UNC79: variants seen among roughly 807,000 people sequenced by gnomAD.
The protein encoded by UNC79 is protein unc-79 homolog.
UNC79 carries 37 observed loss-of-function variants against 283.1 expected under a neutral mutation model. That is an observed-to-expected ratio of 0.13 (90% CI 0.10 to 0.17). UNC79 has a LOEUF of 0.17. Among genes scored for constraint, UNC79 ranks in the 10% least tolerant of loss-of-function variants. UNC79 has a pLI of 1.00. For missense variants in UNC79, 2,272 were observed against 3,211.1 expected, an observed-to-expected ratio of 0.71 and a Z score of 7.07; for synonymous variants, 1,107 against 1,200.2, an observed-to-expected ratio of 0.92 and a Z score of 1.61.
chr14:93,660,246 G>T (rs940202323), intron 39 of UNC79, among the ~76,000 whole-genome samples: 1 of 151,958 alleles, frequency 6.6e-6, no homozygotes, highest in African/African-American at 2.4e-5. Flanking sequence ...AGAGATCATT[G>T]GTTCAATCCA....
rs574860845 is a variant in UNC79 at position 93,347,810 on chromosome 14, G to C, written c.-351+14287G>C. 1.8e-4 allele frequency among the ~76,000 whole-genome samples: 28 copies of C among 152,012 alleles called. 1 individual carries two copies. In the South Asian group the frequency reaches 5.2e-3, roughly 28 times the overall value. On this transcript the variant is annotated intron_variant, in intron 1 of 49. Coordinates refer to the UNC79 transcript ENST00000256339. The stretch of plus-strand genomic sequence containing the variant: ...GGGCCACATCGAAGTTCCAGAGTGC[G>C]AAGGTTGGAACCGGAGACCCCTTAG...
At chr14:93,562,519 C>T (rs1316084742) in intron 14 of UNC79, among the ~76,000 whole-genome samples, 1 of 152,102 alleles carries the variant, frequency 6.6e-6, no homozygotes, top group African/African-American at 2.4e-5. Context: ...AAAGTACTGT[C>T]CAGTCCTTTT....
intron 1 of UNC79, among the ~76,000 whole-genome samples, chr14:93,356,523 C>T (rs1034956882): frequency 1.3e-5 from 2 of 152,218 alleles, no homozygotes; most frequent in Non-Finnish European, 2.9e-5. Context: ...ATGCAGGGCT[C>T]TCTTGATCTC....
intron 1 of UNC79, among the ~76,000 whole-genome samples, chr14:93,393,845 CCTTGGTTCT>C (rs1411369505): frequency 6.6e-6 from 1 of 152,150 alleles, no homozygotes; most frequent in Non-Finnish European, 1.5e-5. Flanking sequence ...AAATCTCAAT[CCTTGGTTCT>C]CTGCTATTCT....
intron 41 of UNC79, 123 bp downstream of exon 44, chr14:93,673,578 T>C: frequency 1.4e-6 from 1 of 711,052 alleles, no homozygotes. Context: ...AAATAATATA[T>C]CTTATATGGA....
chr14:93,347,235 T>C, intron 1 of UNC79: 1 of 1,572,300 alleles, frequency 6.4e-7, no homozygotes, highest in South Asian at 1.2e-5. Flanking sequence ...TCACCTGTGC[T>C]GTCCACGCCT....
intron 26 of UNC79, among the ~76,000 whole-genome samples, chr14:93,605,381 T>A (rs1351357556): frequency 3.3e-5 from 5 of 152,218 alleles, no homozygotes; most frequent in South Asian, 2.1e-4. Context: ...CTCATCCCCT[T>A]AGCCATTCCT....
exon 46 of UNC79, chr14:93,691,839 A>G: frequency 6.2e-7 from 1 of 1,614,210 alleles, no homozygotes; most frequent in South Asian, 1.1e-5. Context: ...CGTCGCTACA[A>G]ATCTCCAAAA....
chr14:93,692,775 G>A (rs2074797591), intron 46 of UNC79, among the ~76,000 whole-genome samples: 1 of 152,218 alleles, frequency 6.6e-6, no homozygotes, highest in Non-Finnish European at 1.5e-5. Flanking sequence ...CCAGTGTGGA[G>A]TATTCATCCT....
intron 26 of UNC79, among the ~76,000 whole-genome samples, chr14:93,608,638 A>G (rs2066062449): frequency 6.6e-6 from 1 of 152,122 alleles, no homozygotes; most frequent in African/African-American, 2.4e-5. Flanking sequence ...TATAGTGCTT[A>G]CTCATTGGCT....
At chr14:93,629,212 T>TAC (rs937757379) in intron 30 of UNC79, among the ~76,000 whole-genome samples, 9 of 152,036 alleles carry the variant, frequency 5.9e-5, no homozygotes, top group Non-Finnish European at 1.3e-4. Context: ...CACACTCATA[T>TAC]ACACACACAC....
chr14:93,367,286 C>G (rs577134214), intron 1 of UNC79, among the ~76,000 whole-genome samples: 53 of 152,186 alleles, frequency 3.5e-4, no homozygotes, highest in African/African-American at 1.2e-3. Flanking sequence ...TAGTTAAGTC[C>G]AAGTAATAGT....
chr14:93,370,486 A>G (rs533732418), intron 1 of UNC79, among the ~76,000 whole-genome samples: 1 of 152,344 alleles, frequency 6.6e-6, no homozygotes, highest in African/African-American at 2.4e-5. Context: ...AAATATAGTA[A>G]TAGAGGCCAA....
chr14:93,565,873 C>G (rs1002852754), intron 14 of UNC79, among the ~76,000 whole-genome samples: 1 of 152,186 alleles, frequency 6.6e-6, no homozygotes, highest in African/African-American at 2.4e-5. Flanking sequence ...GGTGACTATT[C>G]AGGCTGAGCC....
chr14:93,564,743 GA>G (rs1326898957), intron 14 of UNC79, among the ~76,000 whole-genome samples: 12 of 149,910 alleles, frequency 8.0e-5, no homozygotes, highest in African/African-American at 2.9e-4. Context: ...ACAGTCAAAG[GA>G]GGTTGTTCTC....
intron 1 of UNC79, among the ~76,000 whole-genome samples, chr14:93,375,789 G>A (rs550445460): frequency 6.6e-6 from 1 of 152,226 alleles, no homozygotes; most frequent in African/African-American, 2.4e-5. Flanking sequence ...CATTCATGAC[G>A]GATTACCCCC....
At chr14:93,568,690 A>C (rs1183502258) in intron 14 of UNC79, among the ~76,000 whole-genome samples, 1 of 141,162 alleles carries the variant, frequency 7.1e-6, no homozygotes, top group Non-Finnish European at 1.5e-5. Flanking sequence ...AAAATAAATA[A>C]AAAACAAAAA....
chr14:93,670,620 C>CCTT (rs1566897839), intron 40 of UNC79, among the ~76,000 whole-genome samples: 1 of 152,168 alleles, frequency 6.6e-6, no homozygotes, highest in African/African-American at 2.4e-5. Context: ...CTCTCCAAAC[C>CCTT]CTTTTCTTTT....
chr14:93,470,509 T>C (rs952409549), intron 2 of UNC79, among the ~76,000 whole-genome samples: 8 of 152,202 alleles, frequency 5.3e-5, no homozygotes, highest in Non-Finnish European at 1.0e-4. Context: ...CTACATGTTA[T>C]TTAGCTTGCT....
Sources: gnomAD v4.1 joint callset for allele counts (sites outside exome capture counted in the v4.1 genomes callset) on GRCh38, gnomAD v4.1.1 for gene constraint, MANE v1.5 for transcripts, NCBI Gene and HGNC (gene_info 2026-07-23, HGNC 2026-07-21) for gene names.